APP: variants seen among roughly 807,000 people sequenced by gnomAD.
APP encodes amyloid-beta precursor protein.
In APP, 31 loss-of-function variants were observed where a neutral mutation model predicts 101.4. The observed-to-expected ratio is 0.31, with a 90% CI of 0.23 to 0.41. APP has a LOEUF of 0.41. APP is among the 10% of genes least tolerant of loss of function. The probability of loss-of-function intolerance (pLI) is 1.00; values close to 1 mark genes in which losing one functional copy is unlikely to be tolerated. For synonymous variants in APP, 366 were observed against 364.4 expected, an observed-to-expected ratio of 1.00 and a Z score of -0.05; for missense variants, 839 against 1,003.7, an observed-to-expected ratio of 0.84 and a Z score of 2.22.
rs748325243 is a variant in APP at position 26,051,038 on chromosome 21, G to C, written c.624C>G (p.Val208=). Residue 208 remains valine, a synonymous_variant, in exon 5 of 18, where the codon GTC becomes GTG. Coordinates refer to ENST00000346798, the MANE Select transcript of APP (RefSeq NM_000484.4). The part of the protein sequence containing the change: ...SADAEEDDSD[V]WWGGADTDYA... ...AGTCTGTGTCTGCTCCGCCCCACCAGACATCCGAGTCATCCTCCTCCGCAT... is the reference window on the plus strand; with the variant it reads ...AGTCTGTGTCTGCTCCGCCCCACCACACATCCGAGTCATCCTCCTCCGCAT... The C allele has an allele frequency of 2.5e-6, 4 of 1,614,014 alleles. No homozygotes were observed. The highest frequency in any genetic ancestry group is 3.4e-6 in the Non-Finnish European group (4 of 1,180,026).
chr21:26,046,856 T>TA (rs1225242948), intron 5 of APP, among the ~76,000 whole-genome samples: 1 of 152,154 alleles, frequency 6.6e-6, no homozygotes, highest in Non-Finnish European at 1.5e-5. Context: ...TGGCTAGTCT[T>TA]ACAAGTTAGC....
intron 3 of APP, among the ~76,000 whole-genome samples, chr21:26,067,900 T>C (rs369260555): frequency 6.7e-4 from 102 of 151,388 alleles, no homozygotes; most frequent in African/African-American, 2.4e-3. Flanking sequence ...AACACTTTCC[T>C]TTCTTTCTGC....
intron 8 of APP, among the ~76,000 whole-genome samples, chr21:25,984,968 T>C (rs1368536044): frequency 6.6e-6 from 1 of 152,182 alleles, no homozygotes; most frequent in Non-Finnish European, 1.5e-5. Context: ...TAAAACTTAC[T>C]ATATAAGAAG....
chr21:25,998,806 A>G (rs552157100), intron 7 of APP, among the ~76,000 whole-genome samples: 6 of 152,310 alleles, frequency 3.9e-5, no homozygotes, highest in Admixed American at 6.5e-5. Flanking sequence ...AAATAAATAA[A>G]TAAATAAATA....
chr21:25,956,396 C>CT (rs1440941748), intron 11 of APP, among the ~76,000 whole-genome samples: 2 of 152,120 alleles, frequency 1.3e-5, no homozygotes, highest in East Asian at 3.9e-4. Flanking sequence ...TTAAGTGCTC[C>CT]TATTTTCTTT....
At chr21:26,033,022 G>GT (rs1247676349) in intron 5 of APP, among the ~76,000 whole-genome samples, 1 of 152,086 alleles carries the variant, frequency 6.6e-6, no homozygotes, top group Non-Finnish European at 1.5e-5. Context: ...TGTTGAAGAG[G>GT]TAACAGGTAA....
At chr21:25,927,512 C>T (rs191156270) in intron 13 of APP, among the ~76,000 whole-genome samples, 9 of 152,298 alleles carry the variant, frequency 5.9e-5, no homozygotes, top group Admixed American at 5.9e-4. Context: ...TTTATCTTGA[C>T]CTCCAGAAAA....
intron 3 of APP, among the ~76,000 whole-genome samples, chr21:26,063,020 T>A (rs2046332073): frequency 6.6e-6 from 1 of 152,280 alleles, no homozygotes; most frequent in African/African-American, 2.4e-5. Flanking sequence ...TGCCTCAGCC[T>A]CCCAAAGTAT....
intron 5 of APP, among the ~76,000 whole-genome samples, chr21:26,034,728 G>C (rs1465425994): frequency 1.3e-5 from 2 of 151,788 alleles, no homozygotes; most frequent in South Asian, 2.1e-4. Flanking sequence ...TGACTAGAGA[G>C]ACCAATCAGG....
intron 1 of APP, among the ~76,000 whole-genome samples, chr21:26,123,900 A>G (rs887530184): frequency 4.6e-5 from 7 of 152,176 alleles, no homozygotes; most frequent in Admixed American, 2.0e-4. Flanking sequence ...AGTAGAGCCT[A>G]TAAGTATTCA....
chr21:26,144,876 C>G (rs944164332), intron 1 of APP, among the ~76,000 whole-genome samples: 2 of 152,136 alleles, frequency 1.3e-5, no homozygotes, highest in African/African-American at 4.8e-5. Flanking sequence ...GCAAATGGGC[C>G]TGAAGTAATA....
intron 13 of APP, among the ~76,000 whole-genome samples, chr21:25,930,586 T>TTTTA (rs141389649): frequency 2.7e-5 from 4 of 150,148 alleles, no homozygotes; most frequent in African/African-American, 9.8e-5. Context: ...ATAGCACAAA[T>TTTTA]TATATATATA....
chr21:26,089,928 G>A lies in APP; in HGVS notation c.355+15C>T, dbSNP rs1450336108. ...GGCCCCCAATCAACACCAGCCCCAC[G>A]GCCGGCCGGCTCACCTAAGCAGCGG... is the stretch of plus-strand genomic sequence containing the variant. On this transcript the variant is annotated intron_variant, in intron 3 of 17. Coordinates refer to ENST00000346798, the MANE Select transcript of APP (RefSeq NM_000484.4). 1.2e-6 allele frequency: 2 copies of A among 1,613,646 alleles called. No individual in the cohort carries two copies. The highest frequency in any genetic ancestry group is 1.3e-5 in the African/African-American group (1 of 74,972).
chr21:26,022,371 G>A (rs2044380476), intron 5 of APP, among the ~76,000 whole-genome samples: 1 of 152,072 alleles, frequency 6.6e-6, no homozygotes, highest in African/African-American at 2.4e-5. Flanking sequence ...AGGTGGAGTA[G>A]AGAGGATTTT....
intron 11 of APP, among the ~76,000 whole-genome samples, chr21:25,962,846 C>T (rs956410040): frequency 3.9e-5 from 6 of 152,202 alleles, no homozygotes; most frequent in Middle Eastern, 6.9e-3. Context: ...CTCACTCTGT[C>T]GCCCAGGCTG....
intron 1 of APP, among the ~76,000 whole-genome samples, chr21:26,131,584 T>A (rs1361671083): frequency 6.6e-6 from 1 of 152,210 alleles, no homozygotes; most frequent in Non-Finnish European, 1.5e-5. Flanking sequence ...TGAGTATAAT[T>A]TAAGCATTGA....
chr21:25,999,596 T>C (rs1056366992), intron 7 of APP, among the ~76,000 whole-genome samples: 1 of 152,222 alleles, frequency 6.6e-6, no homozygotes, highest in African/African-American at 2.4e-5. Context: ...TCAGCCAGGC[T>C]TCCAGTGGTA....
intron 3 of APP, among the ~76,000 whole-genome samples, chr21:26,084,738 T>G (rs1309876024): frequency 6.6e-6 from 1 of 152,216 alleles, no homozygotes; most frequent in Non-Finnish European, 1.5e-5. Flanking sequence ...TCCTGAAGAA[T>G]CAGTGATGAT....
At chr21:25,993,973 C>CA (rs1335423660) in intron 8 of APP, among the ~76,000 whole-genome samples, 2 of 152,150 alleles carry the variant, frequency 1.3e-5, no homozygotes, top group African/African-American at 4.8e-5. Flanking sequence ...TACCACATGT[C>CA]AGCGCAAATG....
Sources: gnomAD v4.1 joint callset for allele counts (sites outside exome capture counted in the v4.1 genomes callset) on GRCh38, gnomAD v4.1.1 for gene constraint, MANE v1.5 for transcripts, NCBI Gene and HGNC (gene_info 2026-07-23, HGNC 2026-07-21) for gene names.